CLIC2: variants seen among roughly 807,000 people sequenced by gnomAD.
CLIC2 encodes the protein CLIC family member 2.
In CLIC2, 9 loss-of-function variants were observed where a neutral mutation model predicts 14.8. That is an observed-to-expected ratio of 0.61 (90% confidence interval 0.37 to 1.06). CLIC2 has a LOEUF of 1.06. Ranked by LOEUF, CLIC2 falls within the 50% of genes least tolerant of loss-of-function variation. The pLI is 0.01. For synonymous variants in CLIC2, 61 were observed against 66.3 expected (o/e 0.92, Z 0.39); for missense variants, 148 against 181.4 (o/e 0.82, Z 1.06).
At chrX:155,329,397 A>G (rs984873200) in intron 1 of CLIC2, among the ~76,000 whole-genome samples, 2 of 107,692 alleles carry the variant, frequency 1.9e-5, no homozygotes, top group African/African-American at 3.3e-5. Context: ...TCAAAACTAC[A>G]ATGAGATATC....
intron 3 of CLIC2, among the ~76,000 whole-genome samples, chrX:155,283,706 T>A (rs1239546262): frequency 2.7e-5 from 3 of 111,443 alleles, no homozygotes; most frequent in Admixed American, 9.5e-5. Flanking sequence ...CTCAGTTTTT[T>A]TTTTTTCTTG....
chrX:155,306,027 T>C (rs1476101892), intron 1 of CLIC2, among the ~76,000 whole-genome samples: 2 of 112,377 alleles, frequency 1.8e-5, no homozygotes, highest in African/African-American at 6.5e-5. Flanking sequence ...GTAAGAAGTG[T>C]ATGAGGACTT....
rs942159718 is a variant in CLIC2, at chrX:155,292,586, C to T, written c.293+6199G>A. 276 of 352,096 alleles carry T rather than the reference C, an allele frequency of 7.8e-4. 1 individual carries two copies. The highest frequency in any genetic ancestry group is 1.0e-3 in the Non-Finnish European group (208 of 201,738). The allele number at this position is 352,096 out of a possible 1,213,427, so 29.0% of individuals were successfully genotyped here. Reference sequence around the variant, plus strand: ...GAGATCGAGACCATCCTGGCTAACACGGTGAAACCCCGTCTCTACTAAAAA... The same window carrying T: ...GAGATCGAGACCATCCTGGCTAACATGGTGAAACCCCGTCTCTACTAAAAA... On this transcript the variant is annotated intron_variant, in intron 3 of 5. Coordinates refer to ENST00000369449, the MANE Select transcript of CLIC2 (RefSeq NM_001289.6).
chrX:155,331,960 A>G (rs2075158372), intron 1 of CLIC2, among the ~76,000 whole-genome samples: 1 of 111,726 alleles, frequency 9.0e-6, no homozygotes, highest in African/African-American at 3.2e-5. Context: ...ATTTTGGCCC[A>G]AATGTTAAAT....
intron 3 of CLIC2, among the ~76,000 whole-genome samples, chrX:155,298,273 TA>T (rs2075001491): frequency 8.9e-6 from 1 of 112,232 alleles, no homozygotes; most frequent in African/African-American, 3.2e-5. Flanking sequence ...TACACAGCAA[TA>T]GAAAATTAAT....
chrX:155,317,226 T>G (rs1436480168), intron 1 of CLIC2, among the ~76,000 whole-genome samples: 1 of 110,714 alleles, frequency 9.0e-6, no homozygotes, highest in Non-Finnish European at 1.9e-5. Context: ...CAGAACTAAG[T>G]GAAATTGAAA....
chrX:155,334,509 A>G lies in CLIC2; in HGVS notation c.-82T>C, dbSNP rs1557323133. On this transcript the variant is annotated 5_prime_UTR_variant, in exon 1 of 6. Transcript: ENST00000369449. ...GTAGACTCTTTTCTCAATTTTATCC[A>G]AAGACTCAAGTAATGTTGGTGCTTT... 1 of 844,109 alleles carries G rather than the reference A, an allele frequency of 1.2e-6. No homozygotes were observed. Among genetic ancestry groups the G allele is most frequent in the African/African-American group, 2.0e-5 (1 of 49,885 alleles). The allele number at this position is 844,109 out of a possible 1,213,427, so 69.6% of individuals were successfully genotyped here.
chrX:155,276,833 G>A lies in CLIC2; in HGVS notation c.*1070C>T, dbSNP rs782489111. 4 of 111,974 alleles carry A rather than the reference G, an allele frequency of 3.6e-5. No individual in the cohort carries two copies. In the East Asian group the frequency reaches 1.1e-3, roughly 31 times the overall value. 9.2% of individuals were successfully genotyped at this position (111,974 alleles called of 1,213,427 possible). ...CACTATACATTTATCTTGACTCTAT[G>A]GTTTTCAAGGACAGTACTTTGAGTT... On this transcript the variant is annotated 3_prime_UTR_variant, in exon 6 of 6. Coordinates refer to ENST00000369449, the MANE Select transcript of CLIC2 (RefSeq NM_001289.6).
At chrX:155,280,996 T>TATATATATATATATATATATATAG (rs1298564636) in intron 3 of CLIC2, among the ~76,000 whole-genome samples, 2 of 103,794 alleles carry the variant, frequency 1.9e-5, no homozygotes, top group African/African-American at 7.0e-5. Context: ...GTGAGATATA[T>TATATATATATATATATATATATAG]ATATATATAT....
intron 5 of CLIC2, 192 bp downstream of exon 5, chrX:155,278,957 G>A (rs1376341707): frequency 4.5e-6 from 2 of 442,366 alleles, no homozygotes; most frequent in African/African-American, 5.0e-5. Flanking sequence ...AAAGAAACAA[G>A]TTTTAATACT....
At chrX:155,306,832 G>T (rs145356368) in intron 1 of CLIC2, among the ~76,000 whole-genome samples, 9 of 111,293 alleles carry the variant, frequency 8.1e-5, no homozygotes, top group African/African-American at 2.9e-4. Flanking sequence ...TAAGCCATGA[G>T]AGGTTTGCCC....
intron 3 of CLIC2, among the ~76,000 whole-genome samples, chrX:155,297,100 A>G (rs1339544394): frequency 8.9e-6 from 1 of 112,462 alleles, no homozygotes; most frequent in African/African-American, 3.2e-5. Flanking sequence ...AAAGTGTGGT[A>G]TACATACACA....
chrX:155,283,915 G>T (rs1216699777), intron 3 of CLIC2, among the ~76,000 whole-genome samples: 4 of 111,585 alleles, frequency 3.6e-5, no homozygotes, highest in African/African-American at 1.3e-4. Context: ...GTCAGTTATT[G>T]ATTTTACAGA....
chrX:155,332,240 G>A lies in CLIC2; in HGVS notation c.57+2131C>T, dbSNP rs148556629. Among the ~76,000 whole-genome samples the A allele has an allele frequency of 8.9e-5, 10 of 111,900 alleles. No individual in the cohort carries two copies. The East Asian group carries it at 2.8e-3, about 31-fold the overall frequency. Reference sequence around the variant, plus strand: ...AAATTCTTAATTGTGACAGGAGAATGCTTAATCTCTTGTAGTAATGCCTTT... The same window carrying A: ...AAATTCTTAATTGTGACAGGAGAATACTTAATCTCTTGTAGTAATGCCTTT... On this transcript the variant is annotated intron_variant, in intron 1 of 5. Coordinates refer to ENST00000369449, the MANE Select transcript of CLIC2 (RefSeq NM_001289.6).
chrX:155,292,751 C>T, intron 3 of CLIC2: 1 of 478,590 alleles, frequency 2.1e-6, no homozygotes, highest in Non-Finnish European at 3.6e-6. Flanking sequence ...GCCTGGGCGA[C>T]AGAGCGAGAC....
chrX:155,298,564 T>C (rs2075002933), intron 3 of CLIC2, among the ~76,000 whole-genome samples: 1 of 112,451 alleles, frequency 8.9e-6, no homozygotes, highest in African/African-American at 3.2e-5. Flanking sequence ...CTTACCTTCT[T>C]GTGTTATGTA....
chrX:155,291,438 A>C, intron 3 of CLIC2: 1 of 461,235 alleles, frequency 2.2e-6, no homozygotes, highest in Non-Finnish European at 4.0e-6. Context: ...GGTTTTCTAG[A>C]TATGGAATCA....
In CLIC2 at chrX:155,334,420, C is replaced by T. The variant is rs782577136; in HGVS notation, c.8G>A (p.Gly3Asp). 1 of 1,206,821 alleles carries T rather than the reference C, an allele frequency of 8.3e-7. No individual in the cohort carries two copies. Among genetic ancestry groups the T allele is most frequent in the African/African-American group, 1.7e-5 (1 of 57,237 alleles). MSGLRPGTQVDPE... is the reference protein window; with the variant it reads MSDLRPGTQVDPE... Reference sequence around the variant, plus strand: ...GTCCACTTGAGTGCCGGGCCGCAGGCCTGACATCTTTGTCTTTACTGCCAG... The same window carrying T: ...GTCCACTTGAGTGCCGGGCCGCAGGTCTGACATCTTTGTCTTTACTGCCAG... Residue 3 changes from glycine (G) to aspartate (D), a missense_variant, in exon 1 of 6, where the codon GGC (glycine) becomes GAC (aspartate). Transcript: ENST00000369449.
At chrX:155,304,268 C>T (rs1291602723) in intron 1 of CLIC2, among the ~76,000 whole-genome samples, 11 of 101,736 alleles carry the variant, frequency 1.1e-4, no homozygotes, top group Non-Finnish European at 2.0e-4. Flanking sequence ...TTCTTGGAGG[C>T]TTTGCTCATT....
Sources: allele counts gnomAD v4.1 joint callset (sites outside exome capture counted in the v4.1 genomes callset), GRCh38; gene constraint gnomAD v4.1.1; transcripts MANE v1.5; gene names NCBI Gene and HGNC (gene_info 2026-07-23, HGNC 2026-07-21).